Variants in FBXW8 observed in about 807,000 individuals in gnomAD.
FBXW8 encodes the protein F-box/WD repeat-containing protein 8.
Under a neutral mutation model 65.3 loss-of-function variants are expected in FBXW8, and 57 were observed. The observed-to-expected ratio is 0.87, with a 90% CI of 0.71 to 1.09. The LOEUF is 1.09. FBXW8 is among the 50% of genes least tolerant of loss of function. FBXW8 has a pLI of 0.00. For missense variants in FBXW8, 777 were observed against 814.8 expected, an observed-to-expected ratio of 0.95 and a Z score of 0.57; for synonymous variants, 308 against 330.2, an observed-to-expected ratio of 0.93 and a Z score of 0.73.
At chr12:116,918,903 C>A (rs189480533) in intron 1 of FBXW8, among the ~76,000 whole-genome samples, 2 of 152,282 alleles carry the variant, frequency 1.3e-5, no homozygotes, top group East Asian at 3.9e-4. Context: ...ACTGGAGATA[C>A]ATTTCAAGAC....
intron 1 of FBXW8, among the ~76,000 whole-genome samples, chr12:116,923,113 T>C (rs1456366927): frequency 1.1e-4 from 17 of 151,978 alleles, no homozygotes; most frequent in Admixed American, 1.1e-3. Flanking sequence ...GGCTGAGGCA[T>C]GAGAATCGCT....
intron 9 of FBXW8, 125 bp downstream of exon 9, chr12:117,024,445 C>G: frequency 9.1e-7 from 1 of 1,100,188 alleles, no homozygotes; most frequent in South Asian, 1.5e-5. Context: ...TGAATCCTTA[C>G]TGTGACCCTA....
chr12:116,971,929 A>C (rs897370973), intron 5 of FBXW8, among the ~76,000 whole-genome samples: 3 of 152,216 alleles, frequency 2.0e-5, no homozygotes, highest in African/African-American at 7.2e-5. Flanking sequence ...CAAAGTTAAG[A>C]AACACTGGAA....
intron 4 of FBXW8, among the ~76,000 whole-genome samples, chr12:116,955,778 G>A (rs1883603836): frequency 6.6e-6 from 1 of 152,174 alleles, no homozygotes; most frequent in African/African-American, 2.4e-5. Context: ...GAAGTTAAGT[G>A]TTGCAATCAG....
intron 8 of FBXW8, among the ~76,000 whole-genome samples, chr12:117,013,839 T>C (rs1425105162): frequency 1.3e-5 from 2 of 152,050 alleles, no homozygotes; most frequent in African/African-American, 4.8e-5. Context: ...AGCTTAGGAA[T>C]TGGGGCATTT....
rs1954333818 is a variant in FBXW8, at chr12:117,030,482, T to G, written c.*2310T>G. On this transcript the variant is annotated 3_prime_UTR_variant, in exon 11 of 11. Coordinates refer to ENST00000652555, the MANE Select transcript of FBXW8 (RefSeq NM_153348.3). ...CGCCCTTTCTCTCTCATAGTCTTAA[T>G]GCGTCTGGACCACTGGGGAAAATAT... The G allele has an allele frequency of 6.6e-6, 1 of 152,248 alleles. No individual in the cohort carries two copies. The highest frequency in any genetic ancestry group is 1.5e-5 in the Non-Finnish European group (1 of 68,050). The allele number at this position is 152,248 out of a possible 1,614,324, so 9.4% of individuals were successfully genotyped here. A position where few individuals can be genotyped will look rare whatever the true frequency, so the allele number is the denominator to read the frequency against.
In FBXW8 at chr12:116,988,862, G is replaced by A. The variant is rs1201733192; in HGVS notation, c.1232G>A (p.Gly411Glu). 6.2e-7 allele frequency: 1 copy of A among 1,613,622 alleles called. No individual in the cohort carries two copies. The highest frequency in any genetic ancestry group is 8.5e-7 in the Non-Finnish European group (1 of 1,179,736). ...GVQGLGWVYE[G>E]SKILVYSLEA... ...CAGGGTCTGGGATGGGTGTACGAAG[G>A]AAGCAAGGTACACAACTAGCAAGAT... Residue 411 changes from glycine to glutamate, a missense_variant, in exon 7 of 11, where the codon GGA becomes GAA. Gly to Glu is a moderately conservative substitution (Grantham distance 98). Coordinates refer to ENST00000652555, the MANE Select transcript of FBXW8 (RefSeq NM_153348.3).
chr12:117,027,039 AG>A (rs1954248773), intron 9 of FBXW8, among the ~76,000 whole-genome samples: 4 of 152,082 alleles, frequency 2.6e-5, no homozygotes, highest in Admixed American at 2.6e-4. Context: ...GGAAAGCTCA[AG>A]GGACTTGCCC....
At chr12:117,025,512 A>G (rs16947235) in intron 9 of FBXW8, among the ~76,000 whole-genome samples, 4,104 of 152,278 alleles carry the variant, frequency 0.027, 181 homozygotes, top group African/African-American at 0.087. Context: ...TGGAAGTGCA[A>G]GGTCAGCAAT....
At chr12:116,950,685 A>G (rs1331788960) in intron 4 of FBXW8, 1 of 152,202 alleles carries the variant, frequency 6.6e-6, no homozygotes, top group Non-Finnish European at 1.5e-5. Flanking sequence ...GCTTTTCTTC[A>G]GTTTCTGTTT....
chr12:116,944,057 GT>G (rs375964615), intron 2 of FBXW8, among the ~76,000 whole-genome samples: 190 of 152,292 alleles, frequency 1.2e-3, no homozygotes, highest in African/African-American at 4.4e-3. Flanking sequence ...TAGGCTGCCG[GT>G]TTTTACAGCT....
At chr12:116,989,913 C>T (rs1953193103) in intron 7 of FBXW8, among the ~76,000 whole-genome samples, 1 of 152,178 alleles carries the variant, frequency 6.6e-6, no homozygotes, top group African/African-American at 2.4e-5. Context: ...AAATGAAAAG[C>T]CATATGTAAA....
At chr12:116,947,992 T>C (rs1234802878) in intron 3 of FBXW8, among the ~76,000 whole-genome samples, 1 of 152,144 alleles carries the variant, frequency 6.6e-6, no homozygotes, top group East Asian at 1.9e-4. Flanking sequence ...TTCTGTGCTG[T>C]GCGTGCTCGA....
Position 116,947,750 on chromosome 12 carries a change from A to AAAG in FBXW8, c.589-1866_589-1865insGAA, listed in dbSNP as rs1555219001. Among the ~76,000 whole-genome samples, 669 of 137,660 alleles carry AAAG rather than the reference A, an allele frequency of 4.9e-3. 2 individuals carry two copies. Among genetic ancestry groups the AAAG allele is most frequent in the African/African-American group, 0.011 (404 of 38,438 alleles). 90.3% of individuals were successfully genotyped at this position (137,660 alleles called of 152,430 possible). ...CGAGACTGTCTCAAAAAAAAAAAAA[A>AAAG]AAAAGAAAAGAAAGAAAGAAATGAA... On this transcript the variant is annotated intron_variant, in intron 3 of 10. Transcript: ENST00000652555.
intron 7 of FBXW8, among the ~76,000 whole-genome samples, chr12:116,989,911 A>G (rs1953193030): frequency 1.3e-5 from 2 of 152,230 alleles, no homozygotes; most frequent in Admixed American, 1.3e-4. Flanking sequence ...TTAAATGAAA[A>G]GCCATATGTA....
chr12:116,933,728 G>A (rs931038944), intron 2 of FBXW8, among the ~76,000 whole-genome samples: 2 of 152,212 alleles, frequency 1.3e-5, no homozygotes, highest in Non-Finnish European at 2.9e-5. Flanking sequence ...GCTCTTACAT[G>A]AGAATGACAA....
chr12:117,013,662 TA>T (rs1261599012), intron 8 of FBXW8, among the ~76,000 whole-genome samples: 15 of 152,196 alleles, frequency 9.9e-5, no homozygotes, highest in Admixed American at 7.2e-4. Context: ...ACTTTTACAA[TA>T]GCATCATAAA....
At chr12:116,978,109 T>C (rs1055691359) in intron 5 of FBXW8, 7 of 152,254 alleles carry the variant, frequency 4.6e-5, no homozygotes, top group African/African-American at 9.6e-5. Flanking sequence ...TTTTCTGCCT[T>C]AGGCAACAGA....
In FBXW8 at chr12:116,999,980, C is replaced by CT. The variant is rs1260104989; in HGVS notation, c.1240-10343_1240-10342insT. On this transcript the variant is annotated intron_variant, in intron 7 of 10. Coordinates refer to ENST00000652555, the MANE Select transcript of FBXW8 (RefSeq NM_153348.3). ...TGTACAGAACACAGGGTCTGCATCT[C>CT]ATTTTTTTTTTTTTTTTTTTTGAGA... Among the ~76,000 whole-genome samples the CT allele has an allele frequency of 5.6e-5, 7 of 125,932 alleles. 1 individual carries two copies. The South Asian group carries it at 1.4e-3, about 25-fold the overall frequency. The allele number at this position is 125,932 out of a possible 152,430, so 82.6% of individuals were successfully genotyped here.
Sources: gnomAD v4.1 joint callset for allele counts (sites outside exome capture counted in the v4.1 genomes callset) on GRCh38, gnomAD v4.1.1 for gene constraint, MANE v1.5 for transcripts, NCBI Gene and HGNC (gene_info 2026-07-23, HGNC 2026-07-21) for gene names.